HERC1: variants seen among roughly 807,000 people sequenced by gnomAD.
HERC1 encodes HECT and RLD domain containing E3 ubiquitin protein ligase family member 1.
A neutral mutation model predicts 554.3 loss-of-function variants in HERC1; 160 were observed. That is an observed-to-expected ratio of 0.29 (90% CI 0.25 to 0.33). The LOEUF is 0.33. HERC1 is among the 10% of genes least tolerant of loss of function. HERC1 has a pLI of 1.00. For synonymous variants in HERC1, 2,175 were observed against 2,131.7 expected, an observed-to-expected ratio of 1.02 and a Z score of -0.56; for missense variants, 4,919 against 5,918.5, an observed-to-expected ratio of 0.83 and a Z score of 5.54.
At chr15:63,809,903 C>T (rs1413146577) in intron 1 of HERC1, among the ~76,000 whole-genome samples, 4 of 151,968 alleles carry the variant, frequency 2.6e-5, no homozygotes, top group African/African-American at 9.7e-5. Context: ...TAGTCTCGAA[C>T]CCCTGGGTTT....
chr15:63,760,942 T>C (rs1266093126), intron 3 of HERC1, among the ~76,000 whole-genome samples: 1 of 152,166 alleles, frequency 6.6e-6, no homozygotes. Flanking sequence ...CAAATATGCA[T>C]GGCTCACATA....
At chr15:63,770,504 C>G (rs1187215120) in intron 2 of HERC1, among the ~76,000 whole-genome samples, 1 of 152,162 alleles carries the variant, frequency 6.6e-6, no homozygotes, top group Non-Finnish European at 1.5e-5. Context: ...CAGTAAACAC[C>G]TAGTGGCATC....
At chr15:63,753,761 T>C (rs1470410370) in intron 7 of HERC1, among the ~76,000 whole-genome samples, 1 of 152,056 alleles carries the variant, frequency 6.6e-6, no homozygotes, top group Non-Finnish European at 1.5e-5. Flanking sequence ...CTGAAAAAAA[T>C]TGAAACCATC....
rs186395167 is a variant in HERC1 at position 63,828,517 on chromosome 15, T to G, written c.-27+5310A>C. 5.3e-3 allele frequency among the ~76,000 whole-genome samples: 807 copies of G among 152,194 alleles called. 9 individuals are homozygous for G. The highest frequency in any genetic ancestry group is 6.7e-3 in the Non-Finnish European group (457 of 68,012). ...ACCACACCAAGCTAATTTTGTATTT[T>G]TAGTAGAGATGGGGTTTCTCCATGT... On this transcript the variant is annotated intron_variant, in intron 1 of 77. Transcript: ENST00000443617.
chr15:63,654,208 C>T lies in HERC1; in HGVS notation c.10201G>A (p.Asp3401Asn), dbSNP rs1192721900. 1 of 1,613,918 alleles carries T rather than the reference C, an allele frequency of 6.2e-7. No individual in the cohort carries two copies. The highest frequency in any genetic ancestry group is 8.5e-7 in the Non-Finnish European group (1 of 1,179,900). ...LVRTLAAHDR[D>N]NQTTLQTLAD... Reference sequence around the variant, plus strand: ...AGTGTCTGCAGAGTAGTTTGGTTGTCACGGTCGTGTGCAGCAAGAGTGCGC... The same window carrying T: ...AGTGTCTGCAGAGTAGTTTGGTTGTTACGGTCGTGTGCAGCAAGAGTGCGC... Residue 3401 changes from aspartate (D) to asparagine (N), a missense_variant, in exon 51 of 78, where the codon GAC (aspartate) becomes AAC (asparagine). Physicochemically the swap from Asp to Asn is conservative, Grantham distance 23. This residue lies in a region of HERC1 where 1,963 missense variants were observed against 2,228.6 expected (regional missense o/e 0.88). Transcript: ENST00000443617.
chr15:63,632,383 G>A (rs1296242300), intron 68 of HERC1: 5 of 358,582 alleles, frequency 1.4e-5, no homozygotes, highest in Non-Finnish European at 2.6e-5. Flanking sequence ...AATGAGGCAG[G>A]ACACAGAGGA....
At chr15:63,714,546 T>C (rs927641456) in intron 22 of HERC1, among the ~76,000 whole-genome samples, 1 of 17,942 alleles carries the variant, frequency 5.6e-5, no homozygotes, top group Non-Finnish European at 2.5e-4. Context: ...CCTTTTTCTG[T>C]TTTTTTTTTT....
At chr15:63,730,194 C>T (rs1184337597) in intron 14 of HERC1, among the ~76,000 whole-genome samples, 2 of 150,576 alleles carry the variant, frequency 1.3e-5, no homozygotes, top group Non-Finnish European at 1.5e-5. Flanking sequence ...GTAGCTCACA[C>T]CTATAGTCCC....
Position 63,619,723 on chromosome 15 carries a change from G to A in HERC1, c.13689-3041C>T, listed in dbSNP as rs535398784. Among the ~76,000 whole-genome samples, 194 of 152,244 alleles carry A rather than the reference G, an allele frequency of 1.3e-3. 1 individual carries two copies. The highest frequency in any genetic ancestry group is 4.4e-3 in the African/African-American group (182 of 41,538). The stretch of plus-strand genomic sequence containing the variant: ...CAACTTCTTCCTGGTTTAGTCTTGG[G>A]AGAGTGTATGTGTCGAGGAATTTAT... On this transcript the variant is annotated intron_variant, in intron 74 of 77. Transcript: ENST00000443617.
intron 1 of HERC1, among the ~76,000 whole-genome samples, chr15:63,819,886 C>A (rs941365026): frequency 6.6e-6 from 1 of 152,178 alleles, no homozygotes; most frequent in Admixed American, 6.5e-5. Context: ...AGTTACTTAA[C>A]CTCTCTGTGC....
At position 63,641,503 on chromosome 15, in the gene HERC1, G is replaced by A; in HGVS notation, c.11574C>T (p.Pro3858=). Residue 3858 remains proline, a synonymous_variant, in exon 60 of 78, where the codon CCC becomes CCT. Transcript: ENST00000443617. ...AGGCATACTGCTCCTGAAGCATCATGGGGAGCCGCTCCAAAAATGCTCTCA... is the reference window on the plus strand; with the variant it reads ...AGGCATACTGCTCCTGAAGCATCATAGGGAGCCGCTCCAAAAATGCTCTCA... ...PCMRAFLERL[P]MMLQEQYAYE... 6.2e-7 allele frequency: 1 copy of A among 1,613,394 alleles called. No individual in the cohort carries two copies.
At chr15:63,691,103 C>A (rs1017659964) in intron 31 of HERC1, among the ~76,000 whole-genome samples, 1 of 152,142 alleles carries the variant, frequency 6.6e-6, no homozygotes, top group Non-Finnish European at 1.5e-5. Context: ...TGCCTCTCTC[C>A]GTCCATGCAC....
At chr15:63,689,449 T>C (rs2071978209) in intron 33 of HERC1, 140 bp downstream of exon 33, 1 of 570,590 alleles carries the variant, frequency 1.8e-6, no homozygotes, top group Non-Finnish European at 3.1e-6. Context: ...AGGGAATCAG[T>C]GGAAAGGGAG....
At position 63,665,984 on chromosome 15, in the gene HERC1, A is replaced by G; in HGVS notation, c.8490T>C (p.Tyr2830=). 1 of 1,614,006 alleles carries G rather than the reference A, an allele frequency of 6.2e-7. No homozygotes were observed. Among genetic ancestry groups the G allele is most frequent in the Non-Finnish European group, 8.5e-7 (1 of 1,179,888 alleles). The part of the protein sequence containing the change: ...GSGGKSNDPC[Y]LQSPGDIPSA... Reference sequence around the variant, plus strand: ...ATGGTATGTCTCCAGGTGACTGCAAATAACAGGGATCATTTGACTTCCCGC... The same window carrying G: ...ATGGTATGTCTCCAGGTGACTGCAAGTAACAGGGATCATTTGACTTCCCGC... Residue 2830 remains tyrosine, a synonymous_variant, in exon 42 of 78, where the codon TAT becomes TAC. Coordinates refer to ENST00000443617, the MANE Select transcript of HERC1 (RefSeq NM_003922.4).
chr15:63,747,588 T>C (rs1164876060), intron 11 of HERC1, 136 bp downstream of exon 11: 3 of 489,014 alleles, frequency 6.1e-6, no homozygotes, highest in South Asian at 5.5e-5. Context: ...TTCTAGATTA[T>C]AAAAAAGTTT....
At position 63,661,823 on chromosome 15, in the gene HERC1, G is replaced by A. The variant is rs763130759; in HGVS notation, c.9100C>T (p.Leu3034=). ...TTCTCCCTGCAGGTGCCACATAACA[G>A]GTAGTACGGATTTCCACTCCCACAT... ...GECGSGNPYY[L]LCGTCREKYL... is the part of the protein sequence containing the mutation. The change falls in exon 45 of 78, where the codon CTG becomes TTG. Residue 3034 remains leucine (L), a synonymous_variant. Transcript: ENST00000443617. 2 of 1,613,968 alleles carry A rather than the reference G, an allele frequency of 1.2e-6. No homozygotes were observed. Among genetic ancestry groups the A allele is most frequent in the Admixed American group, 3.3e-5 (2 of 60,024 alleles).
chr15:63,830,607 G>A (rs2078120052), intron 1 of HERC1, among the ~76,000 whole-genome samples: 1 of 152,150 alleles, frequency 6.6e-6, no homozygotes. Flanking sequence ...GCTAACTTCT[G>A]GTTTTGATCA....
At position 63,612,897 on chromosome 15, in the gene HERC1, T is replaced by C. The variant is rs1436036049; in HGVS notation, c.14095-341A>G. Among the ~76,000 whole-genome samples, 1 of 152,250 alleles carries C rather than the reference T, an allele frequency of 6.6e-6. No homozygotes were observed. The highest frequency in any genetic ancestry group is 1.9e-4 in the East Asian group (1 of 5,202). On this transcript the variant is annotated intron_variant, in intron 76 of 77. Coordinates refer to ENST00000443617, the MANE Select transcript of HERC1 (RefSeq NM_003922.4). The surrounding 1 kb of genome is among the most constrained non-coding windows in gnomAD (Gnocchi z 5.0). ...ATATTCCTAATCATATGTGCCCATG[T>C]GCTGTCAAACTATGCATGTGTGGAC...
intron 25 of HERC1, among the ~76,000 whole-genome samples, chr15:63,700,207 C>CTCTT (rs1475343545): frequency 6.6e-6 from 1 of 152,036 alleles, no homozygotes; most frequent in African/African-American, 2.4e-5. Flanking sequence ...TTTGGACACA[C>CTCTT]TCTTTCATTC....
Sources: allele counts gnomAD v4.1 joint callset (sites outside exome capture counted in the v4.1 genomes callset), GRCh38; gene constraint gnomAD v4.1.1; regional missense constraint gnomAD v4.1.1; non-coding constraint Gnocchi (gnomAD v3.1); transcripts MANE v1.5; gene names NCBI Gene and HGNC (gene_info 2026-07-23, HGNC 2026-07-21).